The following DOCK10 variants were observed in gnomAD, a reference collection of about 807,000 sequenced individuals.
DOCK10 encodes the protein dedicator of cytokinesis 10.
In DOCK10, 145 loss-of-function variants were observed where a neutral mutation model predicts 280.1. The observed-to-expected ratio is 0.52, with a 90% CI of 0.45 to 0.59. The LOEUF is 0.59. Ranked by LOEUF, DOCK10 falls within the 20% of genes least tolerant of loss-of-function variation. The pLI is 0.00. For synonymous variants in DOCK10, 915 were observed against 942.2 expected (o/e 0.97, Z 0.53); for missense variants, 2,368 against 2,651.7 (o/e 0.89, Z 2.35).
At chr2:224,782,591 T>C (rs1443615783) in intron 50 of DOCK10, among the ~76,000 whole-genome samples, 1 of 152,202 alleles carries the variant, frequency 6.6e-6, no homozygotes, top group Non-Finnish European at 1.5e-5. Flanking sequence ...ATTAGACAAT[T>C]CATGTTGTGC....
At chr2:225,002,871 G>A (rs1026448102) in intron 1 of DOCK10, among the ~76,000 whole-genome samples, 1 of 151,936 alleles carries the variant, frequency 6.6e-6, no homozygotes, top group Non-Finnish European at 1.5e-5. Context: ...GTGGCATCTC[G>A]TCACCCACAG....
At chr2:224,845,720 T>C in intron 19 of DOCK10, 78 bp from the exon 20 acceptor site, 1 of 1,402,234 alleles carries the variant, frequency 7.1e-7, no homozygotes, top group Non-Finnish European at 9.7e-7. Context: ...GCATAGCTTT[T>C]TAAACAATCT....
intron 1 of DOCK10, among the ~76,000 whole-genome samples, chr2:224,975,423 A>G (rs1575139134): frequency 6.6e-6 from 1 of 152,222 alleles, no homozygotes; most frequent in South Asian, 2.1e-4. Context: ...GGGGAATCTG[A>G]TAATATTCAT....
chr2:224,838,862 TC>T (rs1695759405), intron 24 of DOCK10, among the ~76,000 whole-genome samples: 1 of 152,178 alleles, frequency 6.6e-6, no homozygotes, highest in Non-Finnish European at 1.5e-5. Context: ...TTGGAAGAAT[TC>T]AGTATAGCCA....
chr2:224,846,034 T>C (rs1696328866), intron 19 of DOCK10, among the ~76,000 whole-genome samples: 1 of 152,248 alleles, frequency 6.6e-6, no homozygotes, highest in Non-Finnish European at 1.5e-5. Flanking sequence ...TAAAAATTCT[T>C]TAACTGAAAT....
intron 1 of DOCK10, among the ~76,000 whole-genome samples, chr2:224,990,808 C>A (rs1025482539): frequency 6.6e-6 from 1 of 152,194 alleles, no homozygotes; most frequent in East Asian, 1.9e-4. Context: ...TAATACCTCA[C>A]TTACCCTAAG....
intron 2 of DOCK10, among the ~76,000 whole-genome samples, chr2:224,917,466 A>C (rs35246726): frequency 0.23 from 35,134 of 152,076 alleles, 4,545 homozygotes; most frequent in Non-Finnish European, 0.28. Flanking sequence ...TATCGTAAAT[A>C]ATCTCAAATA....
intron 11 of DOCK10, among the ~76,000 whole-genome samples, chr2:224,867,132 T>A (rs1031292968): frequency 2.6e-5 from 4 of 152,164 alleles, no homozygotes; most frequent in Admixed American, 6.5e-5. Flanking sequence ...TCTATCTGTG[T>A]ATGAATACTT....
At chr2:224,947,014 T>G in intron 1 of DOCK10, 1 of 1,489,402 alleles carries the variant, frequency 6.7e-7, no homozygotes. Flanking sequence ...ACTCTTCTCT[T>G]CTGAAGCGTC....
chr2:225,032,665 G>A (rs1690114214), intron 1 of DOCK10, among the ~76,000 whole-genome samples: 1 of 152,178 alleles, frequency 6.6e-6, no homozygotes, highest in Non-Finnish European at 1.5e-5. Flanking sequence ...TTTCATTTTT[G>A]TGAAGATTAC....
intron 14 of DOCK10, chr2:224,860,467 A>G (rs1488751809): frequency 6.6e-6 from 1 of 152,178 alleles, no homozygotes; most frequent in Non-Finnish European, 1.5e-5. Context: ...TAAATTAGAT[A>G]TTCTTATTTT....
At chr2:224,779,076 A>T (rs1000770951) in intron 50 of DOCK10, among the ~76,000 whole-genome samples, 1 of 152,160 alleles carries the variant, frequency 6.6e-6, no homozygotes, top group Non-Finnish European at 1.5e-5. Flanking sequence ...GGAAGGGAAG[A>T]TTCTATTAGC....
At position 224,876,025 on chromosome 2, in the gene DOCK10, C is replaced by T; in HGVS notation, c.931+13G>A. The T allele has an allele frequency of 2.5e-6, 4 of 1,605,726 alleles. No individual in the cohort carries two copies. The highest frequency in any genetic ancestry group is 3.4e-6 in the Non-Finnish European group (4 of 1,177,290). On this transcript the variant is annotated intron_variant, in intron 8 of 55. Transcript: ENST00000258390. ...CTGGACAAAGGAAGGAAGACGGCTT[C>T]ATATGCTCTCACCCAGACCCAGATC...
intron 29 of DOCK10, among the ~76,000 whole-genome samples, chr2:224,817,731 T>G (rs898458209): frequency 6.6e-6 from 1 of 152,138 alleles, no homozygotes; most frequent in Non-Finnish European, 1.5e-5. Context: ...TCAAAAAAAA[T>G]TGAGAGAGAG....
chr2:224,890,729 C>T (rs1169023232), intron 4 of DOCK10, among the ~76,000 whole-genome samples: 1 of 152,096 alleles, frequency 6.6e-6, no homozygotes, highest in African/African-American at 2.4e-5. Context: ...AAAATCAGAG[C>T]ACTGATTGTC....
intron 31 of DOCK10, among the ~76,000 whole-genome samples, chr2:224,808,315 A>G (rs1693534724): frequency 6.6e-6 from 1 of 152,204 alleles, no homozygotes; most frequent in Non-Finnish European, 1.5e-5. Flanking sequence ...ACACAACATC[A>G]ACTTTTGAAT....
chr2:224,922,119 C>CAAA (rs35964702), intron 2 of DOCK10, among the ~76,000 whole-genome samples: 7 of 51,572 alleles, frequency 1.4e-4, no homozygotes, highest in African/African-American at 3.0e-4. Context: ...AACTCCATCT[C>CAAA]AAAAAAAAAA....
chr2:224,880,530 C>T lies in DOCK10; in HGVS notation c.748-4309G>A, dbSNP rs192983369. On this transcript the variant is annotated intron_variant, in intron 7 of 55. Coordinates refer to ENST00000258390, the MANE Select transcript of DOCK10 (RefSeq NM_014689.3). The stretch of plus-strand genomic sequence containing the variant: ...AATCATATTCTTGTTTTTGCTCCCC[C>T]AAATTTTCCTCTATTTCTCATATAT... Among the ~76,000 whole-genome samples, 10 of 152,240 alleles carry T rather than the reference C, an allele frequency of 6.6e-5. No homozygotes were observed. The East Asian group carries it at 1.7e-3, about 26-fold the overall frequency.
chr2:225,021,618 C>A (rs185151666), intron 1 of DOCK10, among the ~76,000 whole-genome samples: 1 of 152,160 alleles, frequency 6.6e-6, no homozygotes, highest in Non-Finnish European at 1.5e-5. Context: ...GTTCCTGTAA[C>A]GATCACACAT....
Sources: gnomAD v4.1 joint callset for allele counts (sites outside exome capture counted in the v4.1 genomes callset) on GRCh38, gnomAD v4.1.1 for gene constraint, MANE v1.5 for transcripts, NCBI Gene and HGNC (gene_info 2026-07-23, HGNC 2026-07-21) for gene names.